RAPGEF4: variants seen among roughly 807,000 people sequenced by gnomAD.
RAPGEF4 encodes the protein RAP guanine-nucleotide-exchange factor (GEF) 4.
A neutral mutation model predicts 147.9 loss-of-function variants in RAPGEF4; 66 were observed. The observed-to-expected ratio is 0.45, with a 90% CI of 0.37 to 0.55. The LOEUF (loss-of-function observed/expected upper bound fraction) is 0.55, where lower values mean the gene tolerates loss of function less well. Ranked by LOEUF, RAPGEF4 falls within the 20% of genes least tolerant of loss-of-function variation. RAPGEF4 has a pLI of 0.00. For missense variants in RAPGEF4, 1,071 were observed against 1,257.3 expected (o/e 0.85, Z 2.24); for synonymous variants, 419 against 442.7 (o/e 0.95, Z 0.67).
intron 4 of RAPGEF4, among the ~76,000 whole-genome samples, chr2:172,914,177 C>T (rs544286829): frequency 2.0e-4 from 30 of 152,214 alleles, no homozygotes; most frequent in African/African-American, 7.2e-4. Context: ...TACTAATGGA[C>T]ATTTGAGTAA....
intron 4 of RAPGEF4, among the ~76,000 whole-genome samples, chr2:172,854,820 G>C (rs1425804977): frequency 6.6e-6 from 1 of 152,160 alleles, no homozygotes; most frequent in Non-Finnish European, 1.5e-5. Flanking sequence ...TTTGTTACCT[G>C]TGAAAGGGGC....
intron 10 of RAPGEF4, among the ~76,000 whole-genome samples, chr2:172,975,153 A>G (rs1050740058): frequency 6.6e-6 from 1 of 152,242 alleles, no homozygotes. Context: ...CCGGCACCCA[A>G]CTTATAATTA....
chr2:172,814,393 A>G lies in RAPGEF4; in HGVS notation c.412A>G (p.Ile138Val), dbSNP rs61756297. ...VTRESSELLR[I>V]EQKDFKALWE... is the part of the protein sequence containing the mutation. ...CAGGGAGAGCAGTGAACTGCTCCGC[A>G]TCGAGCAGAAGGACTTCAAGGCACT... The change falls in exon 4 of 31, where the codon ATC becomes GTC. Residue 138 changes from isoleucine (I) to valine (V), a missense_variant. Coordinates refer to ENST00000397081, the MANE Select transcript of RAPGEF4 (RefSeq NM_007023.4). 5.2e-5 allele frequency: 84 copies of G among 1,614,072 alleles called. No individual in the cohort carries two copies. The highest frequency in any genetic ancestry group is 6.9e-5 in the Non-Finnish European group (81 of 1,180,046).
intron 29 of RAPGEF4, among the ~76,000 whole-genome samples, chr2:173,039,251 A>G (rs1458786290): frequency 2.0e-5 from 3 of 151,524 alleles, no homozygotes; most frequent in Non-Finnish European, 2.9e-5. Context: ...AGGTCAGGAG[A>G]TCGAGACCAT....
At chr2:173,014,823 C>T (rs1363912878) in intron 18 of RAPGEF4, among the ~76,000 whole-genome samples, 1 of 152,174 alleles carries the variant, frequency 6.6e-6, no homozygotes, top group Non-Finnish European at 1.5e-5. Flanking sequence ...GTAGCATTTT[C>T]ATGTATTTTC....
At chr2:172,827,765 C>T (rs1413863281) in intron 4 of RAPGEF4, among the ~76,000 whole-genome samples, 1 of 152,178 alleles carries the variant, frequency 6.6e-6, no homozygotes, top group Non-Finnish European at 1.5e-5. Context: ...ATGTAATCAA[C>T]CCCCTAGCTC....
At chr2:172,984,084 A>G (rs1016608599) in intron 11 of RAPGEF4, among the ~76,000 whole-genome samples, 2 of 152,206 alleles carry the variant, frequency 1.3e-5, no homozygotes, top group Non-Finnish European at 2.9e-5. Context: ...ACCCACTAAT[A>G]AAAAATGACC....
At chr2:172,808,268 C>G (rs140600429) in intron 3 of RAPGEF4, among the ~76,000 whole-genome samples, 14 of 152,266 alleles carry the variant, frequency 9.2e-5, no homozygotes, top group African/African-American at 3.1e-4. Context: ...GTACATAACT[C>G]AGACGTACAA....
intron 10 of RAPGEF4, among the ~76,000 whole-genome samples, chr2:172,975,576 T>C (rs1299287786): frequency 6.6e-6 from 1 of 152,216 alleles, no homozygotes; most frequent in Non-Finnish European, 1.5e-5. Context: ...ATTTCCTCTC[T>C]CCTAGGTTGC....
chr2:172,938,242 C>G (rs566623331), intron 6 of RAPGEF4, among the ~76,000 whole-genome samples: 2,197 of 151,940 alleles, frequency 0.014, 58 homozygotes, highest in African/African-American at 0.05. Context: ...CACACACACA[C>G]ACAGACAACC....
At chr2:172,863,210 T>G (rs1694224699) in intron 4 of RAPGEF4, among the ~76,000 whole-genome samples, 1 of 151,956 alleles carries the variant, frequency 6.6e-6, no homozygotes, top group Non-Finnish European at 1.5e-5. Context: ...ATCAAAAAGC[T>G]AGAACAATAC....
chr2:172,838,658 G>A lies in RAPGEF4; in HGVS notation c.444+24233G>A, dbSNP rs531225450. 8.5e-5 allele frequency among the ~76,000 whole-genome samples: 13 copies of A among 152,180 alleles called. No homozygotes were observed. The South Asian group carries it at 2.7e-3, about 32-fold the overall frequency. On this transcript the variant is annotated intron_variant, in intron 4 of 30. Transcript: ENST00000397081. ...TATTGTAGGATCTCTTGGTATGGAG[G>A]AGATTCCAGAAAACTTTGTATAAAT...
intron 17 of RAPGEF4, among the ~76,000 whole-genome samples, chr2:173,008,836 C>T (rs1694744765): frequency 6.6e-6 from 1 of 152,082 alleles, no homozygotes; most frequent in Non-Finnish European, 1.5e-5. Context: ...AAGATAATAA[C>T]TAGGTAAAAA....
At chr2:172,991,856 G>A (rs987035783) in intron 15 of RAPGEF4, among the ~76,000 whole-genome samples, 3 of 152,208 alleles carry the variant, frequency 2.0e-5, no homozygotes, top group East Asian at 3.9e-4. Flanking sequence ...TTTCATTTGG[G>A]TGAATCAACA....
intron 4 of RAPGEF4, among the ~76,000 whole-genome samples, chr2:172,900,654 G>A (rs904413006): frequency 2.0e-5 from 3 of 152,122 alleles, no homozygotes; most frequent in Non-Finnish European, 4.4e-5. Context: ...TGCCCCATTA[G>A]CACCAATCTC....
At chr2:172,830,945 T>G (rs550927671) in intron 4 of RAPGEF4, among the ~76,000 whole-genome samples, 15 of 152,344 alleles carry the variant, frequency 9.8e-5, no homozygotes, top group South Asian at 2.1e-4. Flanking sequence ...ACCACTGTTA[T>G]GGGTTTCTCT....
chr2:172,830,673 G>A (rs1352741817), intron 4 of RAPGEF4, among the ~76,000 whole-genome samples: 4 of 152,134 alleles, frequency 2.6e-5, no homozygotes, highest in Non-Finnish European at 5.9e-5. Flanking sequence ...GTGCAATCAC[G>A]GCTCGCTGTA....
At chr2:172,899,990 T>G (rs1331707537) in intron 4 of RAPGEF4, among the ~76,000 whole-genome samples, 1 of 152,134 alleles carries the variant, frequency 6.6e-6, no homozygotes, top group Non-Finnish European at 1.5e-5. Context: ...ACCCTTGGAC[T>G]CCTCCTCCCC....
chr2:172,915,128 T>A (rs1427654108), intron 4 of RAPGEF4, among the ~76,000 whole-genome samples: 1 of 152,238 alleles, frequency 6.6e-6, no homozygotes, highest in Admixed American at 6.5e-5. Context: ...TTTTAAGGAC[T>A]GACTTTTAAT....
Sources: allele counts gnomAD v4.1 joint callset (sites outside exome capture counted in the v4.1 genomes callset), GRCh38; gene constraint gnomAD v4.1.1; transcripts MANE v1.5; gene names NCBI Gene and HGNC (gene_info 2026-07-23, HGNC 2026-07-21).